MFSD8: variants seen among roughly 807,000 people sequenced by gnomAD.
MFSD8 encodes major facilitator superfamily domain containing 8.
MFSD8 carries 55 observed loss-of-function variants against 66.4 expected under a neutral mutation model. That is an observed-to-expected ratio of 0.83 (90% CI 0.67 to 1.04). The LOEUF is 1.04. Ranked by LOEUF, MFSD8 falls within the 50% of genes least tolerant of loss-of-function variation. The probability of loss-of-function intolerance (pLI) is 0.00; values close to 1 mark genes in which losing one functional copy is unlikely to be tolerated. For synonymous variants in MFSD8, 202 were observed against 212.8 expected (o/e 0.95, Z 0.44); for missense variants, 550 against 627.6 (o/e 0.88, Z 1.32).
chr4:127,919,279 A>G lies in MFSD8; in HGVS notation c.*1351T>C, dbSNP rs1736098990. 1 of 152,214 alleles carries G rather than the reference A, an allele frequency of 6.6e-6. No individual in the cohort carries two copies. Among genetic ancestry groups the G allele is most frequent in the Admixed American group, 6.5e-5 (1 of 15,276 alleles). 9.4% of individuals were successfully genotyped at this position (152,214 alleles called of 1,614,324 possible). A position where few individuals can be genotyped will look rare whatever the true frequency, so the allele number is the denominator to read the frequency against. Reference sequence around the variant, plus strand: ...GGTCTTGAATTCCTGGCCTCAAGCAATCCTCCTGCCTTGGCCTTCCAAAGT... The same window carrying G: ...GGTCTTGAATTCCTGGCCTCAAGCAGTCCTCCTGCCTTGGCCTTCCAAAGT... On this transcript the variant is annotated 3_prime_UTR_variant, in exon 12 of 12. Coordinates refer to ENST00000641686, the MANE Select transcript of MFSD8 (RefSeq NM_001371596.2).
intron 9 of MFSD8, among the ~76,000 whole-genome samples, chr4:127,929,322 C>CAA (rs543453360): frequency 0.1 from 3,181 of 30,316 alleles, 1,283 homozygotes; most frequent in Non-Finnish European, 0.12. Flanking sequence ...GACTCCGTCA[C>CAA]AAAAAAAAAA....
intron 3 of MFSD8, among the ~76,000 whole-genome samples, chr4:127,946,397 T>C (rs1427016933): frequency 6.6e-6 from 1 of 152,106 alleles, no homozygotes; most frequent in Non-Finnish European, 1.5e-5. Flanking sequence ...TACATGAAAA[T>C]ATCTTTTTAG....
rs778330834 is a variant in MFSD8 at position 127,943,770 on chromosome 4, A to G, written c.421T>C (p.Leu141=). Reference sequence around the variant, plus strand: ...ACCTTACCTGCTCCAATTCCCAACAATCCACGAGCAACCAGCATGTAGTAT... The same window carrying G: ...ACCTTACCTGCTCCAATTCCCAACAGTCCACGAGCAACCAGCATGTAGTAT... ...NKYYMLVARG[L]LGIGAGNVAV... is the part of the protein sequence containing the mutation. The change falls in exon 4 of 12, where the codon TTG becomes CTG. Residue 141 remains leucine (L), a synonymous_variant. Coordinates refer to ENST00000641686, the MANE Select transcript of MFSD8 (RefSeq NM_001371596.2). 2.5e-6 allele frequency: 4 copies of G among 1,614,140 alleles called. No individual in the cohort carries two copies. Among genetic ancestry groups the G allele is most frequent in the Middle Eastern group, 3.3e-4 (2 of 6,062 alleles).
intron 7 of MFSD8, 38 bp from the exon 8 acceptor site, chr4:127,933,131 A>T (rs757915061): frequency 6.7e-7 from 1 of 1,490,660 alleles, no homozygotes; most frequent in South Asian, 1.1e-5. Flanking sequence ...TTACCTATAC[A>T]TCTAATTTTT....
At chr4:127,940,754 G>C (rs1009882104) in intron 5 of MFSD8, among the ~76,000 whole-genome samples, 4 of 147,218 alleles carry the variant, frequency 2.7e-5, no homozygotes, top group Admixed American at 2.7e-4. Context: ...TGGATCTGTG[G>C]CAAAAACTCA....
In MFSD8 at chr4:127,933,125, C is replaced by CTA. The variant is rs760475267; in HGVS notation, c.755-34_755-33dup. The CTA allele has an allele frequency of 6.7e-6, 10 of 1,497,920 alleles. No homozygotes were observed. The Admixed American group carries it at 1.0e-4, about 15-fold the overall frequency. 92.8% of individuals were successfully genotyped at this position (1,497,920 alleles called of 1,614,324 possible). On this transcript the variant is annotated intron_variant, in intron 7 of 11. Coordinates refer to ENST00000641686, the MANE Select transcript of MFSD8 (RefSeq NM_001371596.2). ...GGAAATAGGAGAAAAATTACATTACCTATACATCTAATTTTTCTTATGACA... is the reference window on the plus strand; with the variant it reads ...GGAAATAGGAGAAAAATTACATTACCTATATACATCTAATTTTTCTTATGACA...
chr4:127,955,407 G>C (rs377537814), intron 2 of MFSD8, among the ~76,000 whole-genome samples: 1 of 151,964 alleles, frequency 6.6e-6, no homozygotes, highest in Admixed American at 6.6e-5. Flanking sequence ...CGGGCATGGT[G>C]GTGGGTGACT....
chr4:127,956,144 T>G lies in MFSD8; in HGVS notation c.154+1357A>C, dbSNP rs1012563097. ...TAAATAATAATAAATAATAAAATTT[T>G]TTTAAAAAGAAATTTTGCACATCTT... is the stretch of plus-strand genomic sequence containing the variant. On this transcript the variant is annotated intron_variant, in intron 2 of 11. Transcript: ENST00000641686. Among the ~76,000 whole-genome samples, 3 of 151,066 alleles carry G rather than the reference T, an allele frequency of 2.0e-5. 1 individual carries two copies. The highest frequency in any genetic ancestry group is 7.3e-5 in the African/African-American group (3 of 41,106).
chr4:127,918,188 A>T lies in MFSD8; in HGVS notation c.*2442T>A, dbSNP rs1345608243. ...TATGTACTACTCTTAACAATATATC[A>T]TACCTTAAAATCTCCTGTTGTCATT... On this transcript the variant is annotated 3_prime_UTR_variant, in exon 12 of 12. Transcript: ENST00000641686. The T allele has an allele frequency of 6.6e-6, 1 of 152,222 alleles. No individual in the cohort carries two copies. Among genetic ancestry groups the T allele is most frequent in the African/African-American group, 2.4e-5 (1 of 41,454 alleles). The allele number at this position is 152,222 out of a possible 1,614,324, so 9.4% of individuals were successfully genotyped here.
chr4:127,955,040 G>A lies in MFSD8; in HGVS notation c.154+2461C>T, dbSNP rs919414115. Among the ~76,000 whole-genome samples the A allele has an allele frequency of 4.6e-5, 7 of 151,990 alleles. No individual in the cohort carries two copies. The South Asian group carries it at 6.2e-4, about 14-fold the overall frequency. Reference sequence around the variant, plus strand: ...GTTGAGAATGTAAATAAAATGGTACGGCTGCTATGGAAAACAGTATGGCAA... The same window carrying A: ...GTTGAGAATGTAAATAAAATGGTACAGCTGCTATGGAAAACAGTATGGCAA... On this transcript the variant is annotated intron_variant, in intron 2 of 11. Transcript: ENST00000641686.
intron 9 of MFSD8, among the ~76,000 whole-genome samples, chr4:127,924,283 G>A (rs929012613): frequency 2.0e-5 from 3 of 152,124 alleles, no homozygotes; most frequent in Admixed American, 2.0e-4. Flanking sequence ...TTTGCATAGA[G>A]GTGTTTATAG....
rs796052746 is a variant in MFSD8, at chr4:127,921,919, C to G, written c.1043G>C (p.Trp348Ser). Residue 348 changes from tryptophan (W) to serine (S), a missense_variant, in exon 10 of 12, where the codon TGG (tryptophan) becomes TCG (serine). Physicochemically the swap from Trp to Ser is radical, Grantham distance 177 (BLOSUM62 -3). Transcript: ENST00000641686. ...AILLGGLIVVWVGFFILLPWG... is the reference protein window; with the variant it reads ...AILLGGLIVVSVGFFILLPWG... Reference sequence around the variant, plus strand: ...AGGTAACAAGATAAAGAAGCCAACCCATACAACGATGAGTCCTCCCAGTAG... The same window carrying G: ...AGGTAACAAGATAAAGAAGCCAACCGATACAACGATGAGTCCTCCCAGTAG... The G allele has an allele frequency of 6.2e-7, 1 of 1,613,970 alleles. No homozygotes were observed. The highest frequency in any genetic ancestry group is 8.5e-7 in the Non-Finnish European group (1 of 1,180,026).
intron 3 of MFSD8, among the ~76,000 whole-genome samples, chr4:127,944,301 C>T (rs1188220039): frequency 6.6e-6 from 1 of 152,118 alleles, no homozygotes; most frequent in Non-Finnish European, 1.5e-5. Context: ...ATAGCAATAA[C>T]ATCATGAAAA....
intron 7 of MFSD8, among the ~76,000 whole-genome samples, chr4:127,938,160 A>T (rs1030681642): frequency 3.9e-5 from 6 of 152,232 alleles, no homozygotes; most frequent in Non-Finnish European, 7.3e-5. Flanking sequence ...TTTATTTGGT[A>T]GTAAAGATAT....
In MFSD8 at chr4:127,939,199, AAAGAT is replaced by A. The variant is rs201155661; in HGVS notation, c.699-366_699-362del. 1,056 of 163,888 alleles carry A rather than the reference AAAGAT, an allele frequency of 6.4e-3. 7 individuals are homozygous for A. Among genetic ancestry groups the A allele is most frequent in the African/African-American group, 9.0e-3 (377 of 41,886 alleles). 10.2% of individuals were successfully genotyped at this position (163,888 alleles called of 1,614,324 possible). On this transcript the variant is annotated intron_variant, in intron 6 of 11. Transcript: ENST00000641686. The stretch of plus-strand genomic sequence containing the variant: ...TTTAAAAAATTTTTTCGAATATATA[AAAGAT>A]AAGAGATATACATTACTAGTAACTT...
At chr4:127,921,836 T>A (rs776319752) in intron 10 of MFSD8, 24 bp downstream of exon 10, 1 of 1,613,554 alleles carries the variant, frequency 6.2e-7, no homozygotes, top group South Asian at 1.1e-5. Context: ...GAGGTTAACA[T>A]TATAGAATTA....
chr4:127,935,088 G>T (rs1214578985), intron 7 of MFSD8, among the ~76,000 whole-genome samples: 1 of 152,038 alleles, frequency 6.6e-6, no homozygotes, highest in Non-Finnish European at 1.5e-5. Context: ...ATACTTAAAG[G>T]GAATTAAGCA....
chr4:127,920,945 C>T, intron 11 of MFSD8, 109 bp from the exon 12 acceptor site: 1 of 1,009,504 alleles, frequency 9.9e-7, no homozygotes, highest in South Asian at 1.5e-5. Flanking sequence ...ATCATTTCTG[C>T]ATCTTTTACT....
At chr4:127,922,496 G>C (rs1378796317) in intron 9 of MFSD8, among the ~76,000 whole-genome samples, 1 of 151,960 alleles carries the variant, frequency 6.6e-6, no homozygotes, top group Admixed American at 6.6e-5. Context: ...GTGGTATTTG[G>C]TGCCTGTAGT....
Sources: allele counts gnomAD v4.1 joint callset (sites outside exome capture counted in the v4.1 genomes callset), GRCh38; gene constraint gnomAD v4.1.1; transcripts MANE v1.5; gene names NCBI Gene and HGNC (gene_info 2026-07-23, HGNC 2026-07-21).